Variants in RAD51B observed in about 807,000 individuals in gnomAD.
The protein encoded by RAD51B is DNA repair protein RAD51 homolog 2.
Under a neutral mutation model 42.2 loss-of-function variants are expected in RAD51B, and 38 were observed. The ratio of observed to expected loss-of-function variants is 0.90; its 90% CI spans 0.70 to 1.18. RAD51B has a LOEUF of 1.18. Among genes scored for constraint, RAD51B ranks in the 50% most tolerant of loss-of-function variants. The pLI is 0.00. For synonymous variants in RAD51B, 154 were observed against 145.2 expected, an observed-to-expected ratio of 1.06 and a Z score of -0.43; for missense variants, 373 against 400.7, an observed-to-expected ratio of 0.93 and a Z score of 0.59.
At chr14:68,368,054 T>G (rs181962219) in intron 8 of RAD51B, among the ~76,000 whole-genome samples, 115 of 152,360 alleles carry the variant, frequency 7.5e-4, no homozygotes, top group African/African-American at 2.6e-3. Context: ...CTGCTGTTTA[T>G]GTATTGCTGA....
intron 10 of RAD51B, among the ~76,000 whole-genome samples, chr14:68,507,607 C>T (rs1269226381): frequency 6.6e-6 from 1 of 152,180 alleles, no homozygotes; most frequent in Non-Finnish European, 1.5e-5. Context: ...CTCCTGGGCA[C>T]GTGACCTCCT....
At chr14:68,615,213 T>A (rs558392009), downstream of RAD51B, among the ~76,000 whole-genome samples, 1 of 152,380 alleles carries the variant, frequency 6.6e-6, no homozygotes, top group East Asian at 1.9e-4. Context: ...AGAGGAATGA[T>A]GAAATGTATA....
At chr14:68,073,020 G>A (rs1459617014) in intron 7 of RAD51B, among the ~76,000 whole-genome samples, 1 of 152,140 alleles carries the variant, frequency 6.6e-6, no homozygotes, top group Non-Finnish European at 1.5e-5. Context: ...TTTGTTGGGT[G>A]CAGTGTTCTT....
At chr14:68,631,291 G>T (rs552457447) in intron 10 of RAD51B, among the ~76,000 whole-genome samples, 1 of 152,338 alleles carries the variant, frequency 6.6e-6, no homozygotes, top group East Asian at 1.9e-4. Context: ...GGGTTGGGAA[G>T]ACACTGTGAG....
intron 7 of RAD51B, among the ~76,000 whole-genome samples, chr14:68,133,575 G>A (rs1022584892): frequency 2.0e-5 from 3 of 152,094 alleles, no homozygotes; most frequent in South Asian, 4.2e-4. Context: ...GGGTTCAAGC[G>A]ATTCTCCTGC....
At chr14:68,220,641 C>T (rs1044994107) in intron 7 of RAD51B, among the ~76,000 whole-genome samples, 1 of 152,108 alleles carries the variant, frequency 6.6e-6, no homozygotes. Flanking sequence ...AAATGGCATC[C>T]AAGTCAGTAA....
At chr14:68,109,804 T>C (rs1181087592) in intron 7 of RAD51B, among the ~76,000 whole-genome samples, 1 of 152,024 alleles carries the variant, frequency 6.6e-6, no homozygotes, top group African/African-American at 2.4e-5. Flanking sequence ...ACTTCATGTC[T>C]GGTCTTCCCA....
chr14:68,025,910 G>A (rs2075948574), intron 7 of RAD51B, among the ~76,000 whole-genome samples: 1 of 151,670 alleles, frequency 6.6e-6, no homozygotes, highest in Non-Finnish European at 1.5e-5. Flanking sequence ...TGCTAGCTTT[G>A]AGGGTGTGTT....
chr14:67,875,386 A>T (rs1009611154), intron 5 of RAD51B, among the ~76,000 whole-genome samples: 1 of 152,182 alleles, frequency 6.6e-6, no homozygotes, highest in Admixed American at 6.5e-5. Flanking sequence ...TTCCCCACAG[A>T]TAGTTATCTT....
At chr14:68,132,542 C>T (rs1240648640) in intron 7 of RAD51B, among the ~76,000 whole-genome samples, 1 of 152,062 alleles carries the variant, frequency 6.6e-6, no homozygotes, top group Non-Finnish European at 1.5e-5. Context: ...GTGGTGGAAA[C>T]GTGACTTGAA....
chr14:68,470,799 T>C (rs1594885334), intron 10 of RAD51B: 2 of 416,610 alleles, frequency 4.8e-6, no homozygotes, highest in South Asian at 2.4e-5. Context: ...ACGTGGATTG[T>C]TGTAACCATC....
chr14:68,419,130 G>A (rs1018691922), intron 9 of RAD51B, among the ~76,000 whole-genome samples: 1 of 152,152 alleles, frequency 6.6e-6, no homozygotes, highest in Admixed American at 6.5e-5. Context: ...TTCTTACATG[G>A]GTGTTCTTCA....
chr14:68,067,660 A>G (rs900835461), intron 7 of RAD51B, among the ~76,000 whole-genome samples: 1 of 152,004 alleles, frequency 6.6e-6, no homozygotes, highest in Non-Finnish European at 1.5e-5. Context: ...TTCACAAAGA[A>G]CTAATAAAGT....
At chr14:67,916,507 T>C (rs1323730035) in intron 7 of RAD51B, among the ~76,000 whole-genome samples, 1 of 152,126 alleles carries the variant, frequency 6.6e-6, no homozygotes, top group Non-Finnish European at 1.5e-5. Context: ...CCTTCCAAAG[T>C]GCTGGGATTG....
intron 8 of RAD51B, among the ~76,000 whole-genome samples, chr14:68,350,039 T>C (rs1445710207): frequency 6.6e-6 from 1 of 152,216 alleles, no homozygotes; most frequent in Non-Finnish European, 1.5e-5. Context: ...GCCATTGGCA[T>C]ATCCAGGCTT....
intron 9 of RAD51B, among the ~76,000 whole-genome samples, chr14:68,432,771 T>G (rs1197186534): frequency 6.6e-6 from 1 of 152,250 alleles, no homozygotes; most frequent in Non-Finnish European, 1.5e-5. Context: ...AATATTGTTA[T>G]GTGTGAATTT....
At chr14:68,657,118 A>T (rs766810204) in intron 11 of RAD51B, among the ~76,000 whole-genome samples, 9 of 152,182 alleles carry the variant, frequency 5.9e-5, no homozygotes, top group African/African-American at 1.9e-4. Flanking sequence ...ACTATTGAGC[A>T]CTGAGATGGA....
intron 7 of RAD51B, among the ~76,000 whole-genome samples, chr14:67,955,960 G>A (rs947289202): frequency 6.6e-6 from 1 of 152,118 alleles, no homozygotes; most frequent in Admixed American, 6.6e-5. Context: ...GAGATATTTG[G>A]GAACATTCTT....
chr14:68,389,006 G>A (rs2083673354), intron 8 of RAD51B, among the ~76,000 whole-genome samples: 1 of 152,226 alleles, frequency 6.6e-6, no homozygotes, highest in Non-Finnish European at 1.5e-5. Flanking sequence ...ATTCAGAAAT[G>A]GAACTATGGA....
Sources: gnomAD v4.1 joint callset for allele counts (sites outside exome capture counted in the v4.1 genomes callset) on GRCh38, gnomAD v4.1.1 for gene constraint, MANE v1.5 for transcripts, NCBI Gene and HGNC (gene_info 2026-07-23, HGNC 2026-07-21) for gene names.